SLC2A5: variants seen among roughly 807,000 people sequenced by gnomAD.
The protein encoded by SLC2A5 is solute carrier family 2 member 5, also known as solute carrier family 2, facilitated glucose transporter member 5.
SLC2A5 carries 56 observed loss-of-function variants against 50.3 expected under a neutral mutation model. That is an observed-to-expected ratio of 1.11 (90% CI 0.90 to 1.39). The LOEUF is 1.39. SLC2A5 is among the 40% of genes most tolerant of loss of function. The pLI, the probability that SLC2A5 is intolerant of heterozygous loss-of-function variation, is 0.00. For missense variants in SLC2A5, 566 were observed against 650.1 expected, an observed-to-expected ratio of 0.87 and a Z score of 1.41; for synonymous variants, 269 against 281.9, an observed-to-expected ratio of 0.95 and a Z score of 0.46.
upstream of SLC2A5, among the ~76,000 whole-genome samples, chr1:9,070,517 C>T (rs1274906007): frequency 6.6e-6 from 1 of 152,088 alleles, no homozygotes; most frequent in Non-Finnish European, 1.5e-5. Flanking sequence ...CCTGCTGGTC[C>T]GGGTCCGGCC....
upstream of SLC2A5, chr1:9,073,219 T>C (rs1435367610): frequency 2.0e-5 from 3 of 152,272 alleles, no homozygotes; most frequent in Non-Finnish European, 4.4e-5. Context: ...AGGCTGCTAA[T>C]GGCTTCTCCT....
intron 3 of SLC2A5, among the ~76,000 whole-genome samples, chr1:9,055,782 G>A (rs1641735806): frequency 6.6e-6 from 1 of 151,850 alleles, no homozygotes; most frequent in South Asian, 2.1e-4. Context: ...TGCGCGTGGT[G>A]GCAGACACCT....
chr1:9,081,261 GAAAA>G, intron 2 of SLC2A5, among the ~76,000 whole-genome samples: 1 of 25,566 alleles, frequency 3.9e-5, no homozygotes, highest in African/African-American at 1.4e-4. Context: ...CCTTGTTTCA[GAAAA>G]AAAAAAAAAA....
At chr1:9,086,898 T>A (rs568043401) in intron 1 of SLC2A5, among the ~76,000 whole-genome samples, 2 of 152,314 alleles carry the variant, frequency 1.3e-5, no homozygotes, top group East Asian at 3.9e-4. Context: ...ATCAGCCTAA[T>A]GGCTAATGTC....
chr1:9,053,126 AT>A (rs1285693568), intron 3 of SLC2A5, among the ~76,000 whole-genome samples: 80 of 105,418 alleles, frequency 7.6e-4, no homozygotes, highest in African/African-American at 1.5e-3. Context: ...ATATATTTAT[AT>A]TACATATATT....
At chr1:9,070,070 CT>C (rs1642182509), upstream of SLC2A5, among the ~76,000 whole-genome samples, 1 of 88,220 alleles carries the variant, frequency 1.1e-5, no homozygotes, top group Non-Finnish European at 2.1e-5. Context: ...TTCTCATTTT[CT>C]GTTTTTTTTT....
intron 2 of SLC2A5, among the ~76,000 whole-genome samples, chr1:9,078,939 G>A (rs913198998): frequency 6.6e-6 from 1 of 152,188 alleles, no homozygotes; most frequent in Non-Finnish European, 1.5e-5. Flanking sequence ...CAGTGCCCTT[G>A]CTTTGCTTTT....
chr1:9,060,975 G>A, intron 1 of SLC2A5, among the ~76,000 whole-genome samples: 1 of 146,952 alleles, frequency 6.8e-6, no homozygotes, highest in Non-Finnish European at 1.5e-5. Flanking sequence ...GAGGGGAAGG[G>A]AAGAAAATGT....
chr1:9,041,289 T>C (rs1422629164), intron 5 of SLC2A5: 3 of 415,692 alleles, frequency 7.2e-6, no homozygotes, highest in Non-Finnish European at 1.2e-5. Context: ...TTGGGGAAGG[T>C]GGAGGCAGGG....
intron 1 of SLC2A5, among the ~76,000 whole-genome samples, chr1:9,060,591 A>C: frequency 9.6e-6 from 1 of 104,016 alleles, no homozygotes; most frequent in African/African-American, 3.4e-5. Context: ...CCCCCCACAC[A>C]CATAGGCAGA....
upstream of SLC2A5, among the ~76,000 whole-genome samples, chr1:9,070,868 G>A (rs549397330): frequency 6.6e-6 from 1 of 152,050 alleles, no homozygotes; most frequent in Non-Finnish European, 1.5e-5. Context: ...GGGTCGGGGG[G>A]GTCCCTATTC....
chr1:9,094,018 G>T, the SLC2A5 span, among the ~76,000 whole-genome samples: 311 of 152,242 alleles, frequency 2.0e-3, no homozygotes, highest in African/African-American at 6.8e-3. Flanking sequence ...CCATTGAAGG[G>T]CCCATAACTA....
intron 4 of SLC2A5, 132 bp from the exon 5 acceptor site, chr1:9,042,069 A>C (rs1641319439): frequency 7.9e-7 from 1 of 1,262,338 alleles, no homozygotes; most frequent in South Asian, 1.8e-5. Flanking sequence ...AGGAGAAAGC[A>C]AACACCTCTT....
chr1:9,051,224 AAAGG>A (rs958607150), intron 3 of SLC2A5, among the ~76,000 whole-genome samples: 21 of 152,088 alleles, frequency 1.4e-4, no homozygotes, highest in East Asian at 3.9e-4. Flanking sequence ...GAAAAAAAGA[AAAGG>A]AAGGAAGGAA....
At chr1:9,069,688 T>C (rs1481246877), upstream of SLC2A5, 6 of 769,030 alleles carry the variant, frequency 7.8e-6, no homozygotes, top group Admixed American at 2.4e-5. Context: ...AGAATAACCC[T>C]TTCAGGAACC....
chr1:9,043,929 C>G (rs1198525748), intron 4 of SLC2A5, among the ~76,000 whole-genome samples: 3 of 147,044 alleles, frequency 2.0e-5, no homozygotes, highest in African/African-American at 7.4e-5. Context: ...ACCATGTTGG[C>G]AAGGCTGGTC....
At chr1:9,092,776 C>CA (rs1255460108), upstream of SLC2A5, among the ~76,000 whole-genome samples, 3 of 152,240 alleles carry the variant, frequency 2.0e-5, no homozygotes, top group African/African-American at 7.2e-5. Flanking sequence ...TCAAATTACT[C>CA]AAACACTTGC....
intron 1 of SLC2A5, among the ~76,000 whole-genome samples, chr1:9,059,365 A>C (rs139095453): frequency 6.0e-5 from 9 of 150,732 alleles, no homozygotes; most frequent in Admixed American, 4.0e-4. Context: ...GGATGGTCTC[A>C]ATCTCCTGAC....
At chr1:9,062,309 G>A (rs961176915) in intron 1 of SLC2A5, among the ~76,000 whole-genome samples, 8 of 152,190 alleles carry the variant, frequency 5.3e-5, no homozygotes, top group Non-Finnish European at 2.9e-5. Flanking sequence ...TAAAAAGAGA[G>A]GTCTGGGGAG....
Sources: gnomAD v4.1 joint callset for allele counts (sites outside exome capture counted in the v4.1 genomes callset) on GRCh38, gnomAD v4.1.1 for gene constraint, MANE v1.5 for transcripts, NCBI Gene and HGNC (gene_info 2026-07-23, HGNC 2026-07-21) for gene names.